NAALADL2: variants seen among roughly 807,000 people sequenced by gnomAD.
The protein encoded by NAALADL2 is inactive N-acetylated-alpha-linked acidic dipeptidase-like protein 2.
Under a neutral mutation model 87.2 loss-of-function variants are expected in NAALADL2, and 76 were observed. The observed-to-expected ratio is 0.87, with a 90% confidence interval of 0.72 to 1.05. The LOEUF (loss-of-function observed/expected upper bound fraction) is 1.05, where lower values mean the gene tolerates loss of function less well. Among genes scored for constraint, NAALADL2 ranks in the 50% least tolerant of loss-of-function variants. The probability of loss-of-function intolerance (pLI) is 0.00; values close to 1 mark genes in which losing one functional copy is unlikely to be tolerated. For synonymous variants in NAALADL2, 354 were observed against 331.0 expected, an observed-to-expected ratio of 1.07 and a Z score of -0.75; for missense variants, 1,089 against 945.8, an observed-to-expected ratio of 1.15 and a Z score of -1.99.
chr3:174,787,599 A>ACATATATATATATATATATATG (rs1553855294), intron 3 of NAALADL2, among the ~76,000 whole-genome samples: 3 of 67,882 alleles, frequency 4.4e-5, no homozygotes, highest in African/African-American at 1.6e-4. Flanking sequence ...ATATATATAT[A>ACATATATATATATATATATATG]TATATATATA....
chr3:174,461,761 A>AT (rs1170400123), intron 1 of NAALADL2, among the ~76,000 whole-genome samples: 1 of 152,080 alleles, frequency 6.6e-6, no homozygotes, highest in Non-Finnish European at 1.5e-5. Context: ...TTTCTATACT[A>AT]TAGTGCCCTT....
chr3:175,222,669 T>G (rs544983888), intron 2 of NAALADL2, among the ~76,000 whole-genome samples: 1 of 152,310 alleles, frequency 6.6e-6, no homozygotes, highest in East Asian at 1.9e-4. Context: ...CATGCTTACA[T>G]ACTATTGAGA....
intron 13 of NAALADL2, among the ~76,000 whole-genome samples, chr3:175,775,951 C>G (rs1255690407): frequency 1.3e-5 from 2 of 152,074 alleles, no homozygotes; most frequent in African/African-American, 4.8e-5. Context: ...AGCTTTCTGT[C>G]TTTTTTCATC....
chr3:174,986,422 A>C (rs572385389), intron 1 of NAALADL2, among the ~76,000 whole-genome samples: 2 of 151,090 alleles, frequency 1.3e-5, no homozygotes, highest in Admixed American at 6.6e-5. Flanking sequence ...ATATTTTGTT[A>C]TGTTTAGTTG....
chr3:175,557,882 G>A lies in NAALADL2; in HGVS notation c.1654-18159G>A, dbSNP rs111357074. 5.8e-3 allele frequency among the ~76,000 whole-genome samples: 875 copies of A among 152,070 alleles called. 6 individuals are homozygous for A. The highest frequency in any genetic ancestry group is 0.019 in the African/African-American group (802 of 41,492). The stretch of plus-strand genomic sequence containing the variant: ...CTTTTAATATACCTGTTTGTCATTC[G>A]CATGTCTTCTTTTGAAAAATGTCTA... On this transcript the variant is annotated intron_variant, in intron 9 of 13. Transcript: ENST00000454872.
At chr3:175,108,204 C>A (rs530926451) in intron 2 of NAALADL2, among the ~76,000 whole-genome samples, 2 of 151,932 alleles carry the variant, frequency 1.3e-5, no homozygotes, top group East Asian at 3.9e-4. Context: ...TAACTTGTCC[C>A]CTGTGGAACT....
intron 5 of NAALADL2, among the ~76,000 whole-genome samples, chr3:175,331,708 A>G (rs1405794063): frequency 6.6e-6 from 1 of 152,210 alleles, no homozygotes; most frequent in Non-Finnish European, 1.5e-5. Flanking sequence ...ATGGATGTCC[A>G]CTTTCACCAT....
intron 3 of NAALADL2, among the ~76,000 whole-genome samples, chr3:174,776,682 T>C (rs935378905): frequency 5.9e-5 from 9 of 152,192 alleles, no homozygotes; most frequent in Admixed American, 3.9e-4. Flanking sequence ...ATATTGCTTT[T>C]AGTTTTACTT....
At chr3:174,516,479 T>C (rs1384158209) in intron 1 of NAALADL2, among the ~76,000 whole-genome samples, 1 of 152,086 alleles carries the variant, frequency 6.6e-6, no homozygotes, top group Non-Finnish European at 1.5e-5. Context: ...TCTACTTTAC[T>C]AACCTAGAGT....
At chr3:174,450,737 G>A (rs1289007057) in intron 1 of NAALADL2, among the ~76,000 whole-genome samples, 1 of 151,808 alleles carries the variant, frequency 6.6e-6, no homozygotes. Flanking sequence ...AGGTGTGGTG[G>A]CAGGCACCTG....
intron 2 of NAALADL2, among the ~76,000 whole-genome samples, chr3:174,586,569 CA>C (rs1209164209): frequency 6.6e-6 from 1 of 152,164 alleles, no homozygotes; most frequent in Non-Finnish European, 1.5e-5. Context: ...CTTCAGGAAA[CA>C]TGTAATTTAT....
chr3:175,360,873 A>AT (rs927370900), intron 5 of NAALADL2, among the ~76,000 whole-genome samples: 28 of 123,848 alleles, frequency 2.3e-4, no homozygotes, highest in African/African-American at 7.7e-4. Flanking sequence ...TTTTTTTTTA[A>AT]TTTTTTTTAT....
At chr3:174,924,686 G>A (rs1735732526) in intron 1 of NAALADL2, among the ~76,000 whole-genome samples, 1 of 152,110 alleles carries the variant, frequency 6.6e-6, no homozygotes, top group Admixed American at 6.6e-5. Flanking sequence ...CAACATTGTA[G>A]AAGTGTTCCT....
chr3:174,879,296 C>T (rs577243325), intron 1 of NAALADL2, among the ~76,000 whole-genome samples: 11 of 152,154 alleles, frequency 7.2e-5, no homozygotes, highest in African/African-American at 2.2e-4. Context: ...TAATTTTACT[C>T]CTTCTTAATT....
chr3:175,220,318 T>A (rs1017159396), intron 2 of NAALADL2, among the ~76,000 whole-genome samples: 1 of 146,946 alleles, frequency 6.8e-6, no homozygotes, highest in Non-Finnish European at 1.5e-5. Context: ...TAAAACAATC[T>A]AGAGGATAAC....
chr3:174,996,339 TA>T (rs111608527), intron 1 of NAALADL2, among the ~76,000 whole-genome samples: 26,996 of 151,292 alleles, frequency 0.18, 4,042 homozygotes, highest in African/African-American at 0.41. Context: ...CTGCTAAAAA[TA>T]AAAAAAATTA....
chr3:174,865,987 A>T (rs934074604), intron 1 of NAALADL2, among the ~76,000 whole-genome samples: 1 of 151,960 alleles, frequency 6.6e-6, no homozygotes, highest in Admixed American at 6.6e-5. Flanking sequence ...TAAAATTTGT[A>T]TACAAAATAT....
chr3:174,593,938 T>C (rs1717633048), intron 2 of NAALADL2, among the ~76,000 whole-genome samples: 1 of 152,188 alleles, frequency 6.6e-6, no homozygotes, highest in Admixed American at 6.5e-5. Context: ...CTGTGAGCCC[T>C]AGCATGTTAA....
chr3:174,729,584 A>T (rs1016541872), intron 2 of NAALADL2, among the ~76,000 whole-genome samples: 8 of 152,174 alleles, frequency 5.3e-5, no homozygotes, highest in Admixed American at 3.9e-4. Context: ...TGTGTTATAC[A>T]TCATGCTAGG....
Sources: gnomAD v4.1 joint callset for allele counts (sites outside exome capture counted in the v4.1 genomes callset) on GRCh38, gnomAD v4.1.1 for gene constraint, MANE v1.5 for transcripts, NCBI Gene and HGNC (gene_info 2026-07-23, HGNC 2026-07-21) for gene names.